The following NLRP2 variants were observed in gnomAD, a reference collection of about 807,000 sequenced individuals.
The protein encoded by NLRP2 is NLR family pyrin domain containing 2, also known as NACHT, LRR and PYD domains-containing protein 2.
In NLRP2, 107 loss-of-function variants were observed where a neutral mutation model predicts 97.2. The ratio of observed to expected loss-of-function variants is 1.10; its 90% CI spans 0.94 to 1.29. NLRP2 has a LOEUF of 1.29. NLRP2 is among the 50% of genes most tolerant of loss of function. The probability of loss-of-function intolerance (pLI) is 0.00; values close to 1 mark genes in which losing one functional copy is unlikely to be tolerated. For missense variants in NLRP2, 1,495 were observed against 1,330.3 expected, an observed-to-expected ratio of 1.12 and a Z score of -1.93; for synonymous variants, 663 against 551.5, an observed-to-expected ratio of 1.20 and a Z score of -2.83.
At chr19:54,977,379 C>G (rs1304190716) in intron 3 of NLRP2, among the ~76,000 whole-genome samples, 1 of 151,954 alleles carries the variant, frequency 6.6e-6, no homozygotes, top group Non-Finnish European at 1.5e-5. Flanking sequence ...CGACATCACA[C>G]CATTGCATTC....
At chr19:54,989,848 T>TTGGTGCA in intron 8 of NLRP2, 174 bp from the exon 9 acceptor site, 2 of 661,842 alleles carry the variant, frequency 3.0e-6, no homozygotes, top group South Asian at 3.6e-5. Flanking sequence ...GCTGGGCATG[T>TTGGTGCA]TGGTGCATGG....
chr19:54,994,153 TC>T, intron 10 of NLRP2, 115 bp from the exon 11 acceptor site: 1 of 1,115,864 alleles, frequency 9.0e-7, no homozygotes, highest in Non-Finnish European at 1.4e-6. Flanking sequence ...TGATTCCATT[TC>T]CATGTCACCA....
chr19:54,999,652 A>ATTG (rs1555785477), intron 12 of NLRP2, among the ~76,000 whole-genome samples: 1 of 75,868 alleles, frequency 1.3e-5, no homozygotes, highest in African/African-American at 3.9e-5. Flanking sequence ...GTTTTTCTCT[A>ATTG]TCAGATCAAC....
At chr19:54,994,032 A>G (rs912230299) in intron 10 of NLRP2, 9 of 608,852 alleles carry the variant, frequency 1.5e-5, no homozygotes, top group Non-Finnish European at 2.6e-5. Flanking sequence ...GATATAAACC[A>G]TCTTAAGATG....
Position 55,000,433 on chromosome 19 carries a change from C to A in NLRP2, c.3051-327C>A, listed in dbSNP as rs752215882. On this transcript the variant is annotated intron_variant, in intron 12 of 12. Transcript: ENST00000448584. ...CTGGGACTACAGGCGTCCGCCACCACGCCCGGCTAATTTTTTGTATTTTTT... is the reference window on the plus strand; with the variant it reads ...CTGGGACTACAGGCGTCCGCCACCAAGCCCGGCTAATTTTTTGTATTTTTT... Among the ~76,000 whole-genome samples the A allele has an allele frequency of 2.7e-5, 4 of 150,828 alleles. No homozygotes were observed. In the East Asian group the frequency reaches 7.9e-4, roughly 30 times the overall value.
intron 8 of NLRP2, among the ~76,000 whole-genome samples, chr19:54,986,878 T>C (rs2072125770): frequency 6.6e-6 from 1 of 150,406 alleles, no homozygotes; most frequent in East Asian, 2.0e-4. Flanking sequence ...TTGGTTTTGG[T>C]TTTTTCTTTT....
intron 3 of NLRP2, among the ~76,000 whole-genome samples, chr19:54,975,706 C>T (rs1170894317): frequency 6.6e-6 from 1 of 152,098 alleles, no homozygotes; most frequent in South Asian, 2.1e-4. Context: ...CCCGCCTCGG[C>T]CTCCCAAAGT....
intron 10 of NLRP2, 104 bp from the exon 11 acceptor site, chr19:54,994,165 C>A: frequency 8.4e-7 from 1 of 1,196,298 alleles, no homozygotes; most frequent in Non-Finnish European, 1.2e-6. Context: ...CATGTCACCA[C>A]TGTCTCTAAG....
chr19:54,989,827 ATACAAAAT>A (rs2072336631), intron 8 of NLRP2, 187 bp from the exon 9 acceptor site: 1 of 629,526 alleles, frequency 1.6e-6, no homozygotes, highest in African/African-American at 1.8e-5. Flanking sequence ...TCTACTGAAA[ATACAAAAT>A]TAGCTGGGCA....
chr19:55,001,012 C>T lies in NLRP2; in HGVS notation c.*114C>T, dbSNP rs1348213709. On this transcript the variant is annotated 3_prime_UTR_variant, in exon 13 of 13. Transcript: ENST00000448584. ...CCCCTCAGGGATAATGAGTTCATTG[C>T]TGGGCTAGATGTTTTAGCCATGATT... The T allele has an allele frequency of 3.3e-6, 3 of 921,284 alleles. No individual in the cohort carries two copies. The highest frequency in any genetic ancestry group is 2.4e-5 in the East Asian group (1 of 41,382). 57.1% of individuals were successfully genotyped at this position (921,284 alleles called of 1,614,324 possible).
chr19:54,974,114 G>A (rs1395211128), intron 2 of NLRP2: 2 of 735,370 alleles, frequency 2.7e-6, no homozygotes, highest in East Asian at 3.0e-5. Context: ...CCAACACTTT[G>A]GGAGGCCGAG....
At chr19:54,997,555 T>G (rs1195183832) in intron 12 of NLRP2, 68 bp downstream of exon 12, 8 of 1,506,408 alleles carry the variant, frequency 5.3e-6, no homozygotes, top group Non-Finnish European at 7.4e-6. Flanking sequence ...CATAATGACA[T>G]GGACCTGCTG....
At position 54,985,028 on chromosome 19, in the gene NLRP2, T is replaced by C; in HGVS notation, c.2031-19T>C. 1.9e-6 allele frequency: 3 copies of C among 1,613,492 alleles called. No homozygotes were observed. The highest frequency in any genetic ancestry group is 2.5e-6 in the Non-Finnish European group (3 of 1,179,736). ...GATGGACACACATTTGGTGTAACCC[T>C]TTCTTCTCTTCCCTATAGATCCCAG... On this transcript the variant is annotated intron_variant, in intron 6 of 12. Transcript: ENST00000448584.
Position 54,999,041 on chromosome 19 carries a change from C to CGGGGCGGCTGGCCGGGCCGGGGGCTG in NLRP2, c.3050+1554_3050+1555insGGGGCGGCTGGCCGGGCCGGGGGCTG, listed in dbSNP as rs1305371061. 2.0e-5 allele frequency among the ~76,000 whole-genome samples: 3 copies of CGGGGCGGCTGGCCGGGCCGGGGGCTG among 147,730 alleles called. 1 individual carries two copies. The highest frequency in any genetic ancestry group is 3.0e-5 in the Non-Finnish European group (2 of 66,154). On this transcript the variant is annotated intron_variant, in intron 12 of 12. Coordinates refer to ENST00000448584, the MANE Select transcript of NLRP2 (RefSeq NM_017852.5). ...CTGACCCCCCCACCTCCCTCCCGGA[C>CGGGGCGGCTGGCCGGGCCGGGGGCTG]AGGGCGGCTGGCCGGTTAGAGGGGC... is the stretch of plus-strand genomic sequence containing the variant.
intron 12 of NLRP2, among the ~76,000 whole-genome samples, chr19:54,999,943 C>T (rs1424576066): frequency 6.6e-6 from 1 of 151,932 alleles, no homozygotes; most frequent in Non-Finnish European, 1.5e-5. Context: ...CACCATCTTG[C>T]CTAGGCTGGT....
At chr19:54,998,217 C>T (rs1176910577) in intron 12 of NLRP2, among the ~76,000 whole-genome samples, 1 of 151,758 alleles carries the variant, frequency 6.6e-6, no homozygotes, top group African/African-American at 2.4e-5. Flanking sequence ...CAGGGTTTTG[C>T]CATGTTGGCC....
chr19:54,987,515 G>T (rs1275559284), intron 8 of NLRP2, among the ~76,000 whole-genome samples: 4 of 152,178 alleles, frequency 2.6e-5, no homozygotes, highest in Non-Finnish European at 5.9e-5. Context: ...GCCGAGGTGG[G>T]TGGATCACTT....
In NLRP2 at chr19:54,982,787, C is replaced by T. The variant is rs749242948; in HGVS notation, c.1089C>T (p.Asp363=). Residue 363 remains aspartate, a synonymous_variant, in exon 6 of 13, where the codon GAC becomes GAT. Coordinates refer to ENST00000448584, the MANE Select transcript of NLRP2 (RefSeq NM_017852.5). ...GGGTGGAGGGCTTCCTGGAGGAGGACAGGAGGGCCTATTTCCTGAGACACT... is the reference window on the plus strand; with the variant it reads ...GGGTGGAGGGCTTCCTGGAGGAGGATAGGAGGGCCTATTTCCTGAGACACT... The part of the protein sequence containing the change: ...YIRVEGFLEE[D]RRAYFLRHFG... 19 of 1,613,976 alleles carry T rather than the reference C, an allele frequency of 1.2e-5. No individual in the cohort carries two copies. Among genetic ancestry groups the T allele is most frequent in the Admixed American group, 3.3e-5 (2 of 59,988 alleles).
intron 2 of NLRP2, among the ~76,000 whole-genome samples, chr19:54,971,852 A>AG (rs79073574): frequency 6.6e-6 from 1 of 152,042 alleles, no homozygotes; most frequent in Non-Finnish European, 1.5e-5. Context: ...TTCTTGAGAG[A>AG]GGATCTCACT....
Sources: allele counts gnomAD v4.1 joint callset (sites outside exome capture counted in the v4.1 genomes callset), GRCh38; gene constraint gnomAD v4.1.1; transcripts MANE v1.5; gene names NCBI Gene and HGNC (gene_info 2026-07-23, HGNC 2026-07-21).